The following CSMD1 variants were observed in gnomAD, a reference collection of about 807,000 sequenced individuals.
The protein encoded by CSMD1 is CUB and sushi domain-containing protein 1.
CSMD1 carries 213 observed loss-of-function variants against 417.5 expected under a neutral mutation model. The observed-to-expected ratio is 0.51, with a 90% CI of 0.46 to 0.57. CSMD1 has a LOEUF of 0.57. Among genes scored for constraint, CSMD1 ranks in the 20% least tolerant of loss-of-function variants. CSMD1 has a pLI of 0.00. For missense variants in CSMD1, 6,923 were observed against 4,529.7 expected (o/e 1.53, Z -15.17); for synonymous variants, 2,862 against 1,736.8 (o/e 1.65, Z -16.11).
Position 3,027,709 on chromosome 8 carries a change from G to T in CSMD1, c.7855+1610C>A, listed in dbSNP as rs74858440. On this transcript the variant is annotated intron_variant, in intron 51 of 69. Coordinates refer to ENST00000635120, the MANE Select transcript of CSMD1 (RefSeq NM_033225.6). ...ATGTGATGATAAATGATGTGTGGGGGTTGTGACTGGACCCCGCTCCGTGTC... is the reference window on the plus strand; with the variant it reads ...ATGTGATGATAAATGATGTGTGGGGTTTGTGACTGGACCCCGCTCCGTGTC... 2.5e-3 allele frequency among the ~76,000 whole-genome samples: 388 copies of T among 152,252 alleles called. 4 individuals are homozygous for T. The highest frequency in any genetic ancestry group is 0.014 in the Middle Eastern group (4 of 294).
chr8:4,700,364 A>G (rs958510132), intron 1 of CSMD1, among the ~76,000 whole-genome samples: 34 of 152,078 alleles, frequency 2.2e-4, no homozygotes, highest in African/African-American at 7.5e-4. Context: ...TAAAAATATT[A>G]TTTGTTATCA....
intron 2 of CSMD1, among the ~76,000 whole-genome samples, chr8:4,432,228 G>C (rs1447951617): frequency 2.0e-5 from 3 of 152,168 alleles, no homozygotes; most frequent in African/African-American, 4.8e-5. Flanking sequence ...TGTCAAATGG[G>C]TTATGAGAAA....
Position 4,804,523 on chromosome 8 carries a change from G to A in CSMD1, c.86-166965C>T, listed in dbSNP as rs891211263. ...TTATATTACCACCAGACAAAAGAAT[G>A]GACGTGAGAGAGAGAGAGAGGGAGG... is the stretch of plus-strand genomic sequence containing the variant. On this transcript the variant is annotated intron_variant, in intron 1 of 69. Transcript: ENST00000635120. 4.6e-5 allele frequency among the ~76,000 whole-genome samples: 7 copies of A among 151,236 alleles called. No individual in the cohort carries two copies. The East Asian group carries it at 9.7e-4, about 21-fold the overall frequency.
intron 23 of CSMD1, among the ~76,000 whole-genome samples, chr8:3,321,825 G>A (rs568907274): frequency 1.4e-4 from 21 of 152,276 alleles, no homozygotes; most frequent in South Asian, 6.2e-4. Flanking sequence ...GAAAATAAAT[G>A]TGTTTCAAAT....
intron 7 of CSMD1, among the ~76,000 whole-genome samples, chr8:3,685,924 A>C (rs1249917803): frequency 6.6e-6 from 1 of 152,080 alleles, no homozygotes; most frequent in East Asian, 1.9e-4. Flanking sequence ...ACACTCTTTT[A>C]GTTATTTTTA....
At chr8:4,671,275 T>A (rs1482216853) in intron 1 of CSMD1, among the ~76,000 whole-genome samples, 6 of 152,202 alleles carry the variant, frequency 3.9e-5, no homozygotes, top group Admixed American at 1.3e-4. Flanking sequence ...TTAGGGCAGG[T>A]TACTGAATGG....
At chr8:3,880,645 A>T (rs2129120448) in intron 5 of CSMD1, among the ~76,000 whole-genome samples, 1 of 152,274 alleles carries the variant, frequency 6.6e-6, no homozygotes, top group South Asian at 2.1e-4. Flanking sequence ...ATGTTTCTTA[A>T]CCTTTCCTGT....
At chr8:4,448,937 A>C (rs1798972778) in intron 2 of CSMD1, among the ~76,000 whole-genome samples, 1 of 152,178 alleles carries the variant, frequency 6.6e-6, no homozygotes, top group African/African-American at 2.4e-5. Flanking sequence ...TTTCCAGATA[A>C]ATTACCAGTG....
intron 3 of CSMD1, among the ~76,000 whole-genome samples, chr8:4,086,206 A>C (rs1800410539): frequency 6.6e-6 from 1 of 152,234 alleles, no homozygotes; most frequent in Admixed American, 6.5e-5. Flanking sequence ...ACAGCTACAA[A>C]GTATCACATC....
At chr8:4,325,438 T>C (rs1265370104) in intron 3 of CSMD1, among the ~76,000 whole-genome samples, 2 of 152,144 alleles carry the variant, frequency 1.3e-5, no homozygotes, top group Non-Finnish European at 2.9e-5. Context: ...AGGCAATACA[T>C]GGTATTTACT....
intron 54 of CSMD1, 64 bp from the exon 55 acceptor site, chr8:2,978,864 G>A (rs538992854): frequency 1.5e-6 from 2 of 1,363,138 alleles, no homozygotes; most frequent in Admixed American, 5.2e-5. Flanking sequence ...AAATAGATCA[G>A]AAATGAAGGC....
intron 3 of CSMD1, among the ~76,000 whole-genome samples, chr8:4,330,397 C>A (rs2128890184): frequency 6.6e-6 from 1 of 152,082 alleles, no homozygotes; most frequent in South Asian, 2.1e-4. Context: ...GAGTTCAGAC[C>A]AGCCTGACCA....
chr8:3,443,045 T>A (rs959375861), intron 12 of CSMD1, among the ~76,000 whole-genome samples: 2 of 152,202 alleles, frequency 1.3e-5, no homozygotes, highest in African/African-American at 4.8e-5. Flanking sequence ...ACAATGAATA[T>A]GAGTTTGTAT....
At chr8:4,855,750 A>C (rs2116852313) in intron 1 of CSMD1, among the ~76,000 whole-genome samples, 1 of 152,064 alleles carries the variant, frequency 6.6e-6, no homozygotes, top group African/African-American at 2.4e-5. Context: ...GCCTCCAAGA[A>C]ATAAGGGACT....
chr8:3,971,192 G>T (rs539556962), intron 5 of CSMD1, among the ~76,000 whole-genome samples: 3 of 152,278 alleles, frequency 2.0e-5, no homozygotes, highest in East Asian at 3.9e-4. Context: ...AACACCAAAT[G>T]TCCTCTTCGT....
At position 3,238,769 on chromosome 8, in the gene CSMD1, G is replaced by C. The variant is rs907139187; in HGVS notation, c.4154-8538C>G. Among the ~76,000 whole-genome samples, 5 of 152,192 alleles carry C rather than the reference G, an allele frequency of 3.3e-5. 1 individual carries two copies. In the South Asian group the frequency reaches 6.2e-4, roughly 19 times the overall value. Reference sequence around the variant, plus strand: ...CATCTAATTAGAGAGTGCCTGACGAGGTTCAGCATAGCCTTGCCAGCAAAG... The same window carrying C: ...CATCTAATTAGAGAGTGCCTGACGACGTTCAGCATAGCCTTGCCAGCAAAG... On this transcript the variant is annotated intron_variant, in intron 26 of 69. Transcript: ENST00000635120.
chr8:4,274,360 A>C (rs985078091), intron 3 of CSMD1, among the ~76,000 whole-genome samples: 1 of 152,144 alleles, frequency 6.6e-6, no homozygotes, highest in Admixed American at 6.6e-5. Context: ...TCACTTTTCT[A>C]AACTATGAGC....
intron 10 of CSMD1, among the ~76,000 whole-genome samples, chr8:3,506,064 TG>T (rs34292279): frequency 3.9e-5 from 6 of 152,190 alleles, no homozygotes; most frequent in African/African-American, 1.4e-4. Flanking sequence ...AAGTTCCTCC[TG>T]GGGTTGAGCC....
chr8:4,549,754 G>T (rs1364415809), intron 2 of CSMD1, among the ~76,000 whole-genome samples: 1 of 151,780 alleles, frequency 6.6e-6, no homozygotes, highest in Non-Finnish European at 1.5e-5. Context: ...AAAATTAGCT[G>T]GGTGTGGTGG....
Sources: allele counts gnomAD v4.1 joint callset (sites outside exome capture counted in the v4.1 genomes callset), GRCh38; gene constraint gnomAD v4.1.1; transcripts MANE v1.5; gene names NCBI Gene and HGNC (gene_info 2026-07-23, HGNC 2026-07-21).